The following OSBPL6 variants were observed in gnomAD, a reference collection of about 807,000 sequenced individuals.
The protein encoded by OSBPL6 is oxysterol binding protein like 6, also known as oxysterol-binding protein-related protein 6.
Under a neutral mutation model 125.8 loss-of-function variants are expected in OSBPL6, and 49 were observed. The ratio of observed to expected loss-of-function variants is 0.39; its 90% CI spans 0.31 to 0.49. The LOEUF (loss-of-function observed/expected upper bound fraction) is 0.49, where lower values mean the gene tolerates loss of function less well. Among genes scored for constraint, OSBPL6 ranks in the 20% least tolerant of loss-of-function variants. The pLI, the probability that OSBPL6 is intolerant of heterozygous loss-of-function variation, is 0.88. For missense variants in OSBPL6, 986 were observed against 1,135.4 expected (o/e 0.87, Z 1.89); for synonymous variants, 394 against 391.8 (o/e 1.01, Z -0.07).
At chr2:178,279,844 A>G (rs1163305677) in intron 1 of OSBPL6, among the ~76,000 whole-genome samples, 1 of 152,130 alleles carries the variant, frequency 6.6e-6, no homozygotes, top group African/African-American at 2.4e-5. Context: ...TCACCTTTGG[A>G]CTTCTGCCCT....
At chr2:178,321,927 A>T (rs1005947974) in intron 3 of OSBPL6, among the ~76,000 whole-genome samples, 3 of 152,196 alleles carry the variant, frequency 2.0e-5, no homozygotes, top group African/African-American at 7.2e-5. Context: ...AATGGAGAAG[A>T]GACTAATATT....
chr2:178,324,685 C>A (rs1457500103), intron 4 of OSBPL6, among the ~76,000 whole-genome samples: 1 of 152,200 alleles, frequency 6.6e-6, no homozygotes, highest in African/African-American at 2.4e-5. Flanking sequence ...AATCTATTAT[C>A]CCATTTAATA....
chr2:178,349,472 G>A (rs1691037076), intron 12 of OSBPL6, 83 bp downstream of exon 12: 2 of 1,475,474 alleles, frequency 1.4e-6, no homozygotes, highest in Non-Finnish European at 1.8e-6. Flanking sequence ...CTTTGTCTTT[G>A]TGGTAATGAT....
At chr2:178,247,692 A>T (rs538666943) in intron 1 of OSBPL6, among the ~76,000 whole-genome samples, 1 of 151,814 alleles carries the variant, frequency 6.6e-6, no homozygotes, top group African/African-American at 2.4e-5. Flanking sequence ...GCCTTTCCCT[A>T]CTTGTAGCTG....
rs116809594 is a variant in OSBPL6 at position 178,296,062 on chromosome 2, T to G, written c.-155-9968T>G. ...GATACTGTGTTACTATTCCCTAGTT[T>G]TGTTGGTGTTAGGCCAGTGAAGAAT... On this transcript the variant is annotated intron_variant, in intron 2 of 24. Coordinates refer to ENST00000190611, the MANE Select transcript of OSBPL6 (RefSeq NM_032523.4). 8.5e-3 allele frequency among the ~76,000 whole-genome samples: 1,291 copies of G among 152,284 alleles called. 18 individuals carry two copies. The highest frequency in any genetic ancestry group is 0.029 in the African/African-American group (1,213 of 41,562).
At position 178,332,704 on chromosome 2, in the gene OSBPL6, A is replaced by C. The variant is rs1277426848; in HGVS notation, c.436A>C (p.Lys146Gln). The C allele has an allele frequency of 5.0e-6, 8 of 1,614,092 alleles. No individual in the cohort carries two copies. Among genetic ancestry groups the C allele is most frequent in the Non-Finnish European group, 5.9e-6 (7 of 1,180,034 alleles). ...VGLSVMSIKKKARRIDLDTEE... is the reference protein window; with the variant it reads ...VGLSVMSIKKQARRIDLDTEE... ...ACTCTCAGTCATGTCAATTAAAAAG[A>C]AAGCTCGAAGAATAGACCTTGACAC... The change falls in exon 7 of 25, where the codon AAA (lysine) becomes CAA (glutamine). Residue 146 changes from lysine to glutamine, a missense_variant. Around this residue, in one of 3 missense-constraint regions of OSBPL6, gnomAD observed 843 missense variants for 997.3 expected, o/e 0.85. Coordinates refer to ENST00000190611, the MANE Select transcript of OSBPL6 (RefSeq NM_032523.4).
At chr2:178,389,757 G>A (rs903123745) in intron 21 of OSBPL6, among the ~76,000 whole-genome samples, 1 of 152,112 alleles carries the variant, frequency 6.6e-6, no homozygotes, top group Non-Finnish European at 1.5e-5. Flanking sequence ...TATCACTGCC[G>A]TGTTTGTTTG....
chr2:178,215,722 T>C (rs1241657870), intron 1 of OSBPL6, among the ~76,000 whole-genome samples: 1 of 152,022 alleles, frequency 6.6e-6, no homozygotes, highest in Non-Finnish European at 1.5e-5. Context: ...GAGCTGAAAC[T>C]TTGGCAGCAA....
chr2:178,324,208 C>T lies in OSBPL6; in HGVS notation c.134C>T (p.Ser45Phe), dbSNP rs927830660. Reference protein sequence around the residue: ...SIHILERTASSSTEPSVSRQL... With the variant: ...SIHILERTASFSTEPSVSRQL... ...CACATACTGGAGAGGACTGCTTCCT[C>T]TAGCACCGAGCCCTCTGTAAGTCGG... Residue 45 changes from serine (S) to phenylalanine (F), a missense_variant, in exon 4 of 25, where the codon TCT (serine) becomes TTT (phenylalanine). Transcript: ENST00000190611. 3 of 1,581,386 alleles carry T rather than the reference C, an allele frequency of 1.9e-6. No individual in the cohort carries two copies. The highest frequency in any genetic ancestry group is 2.6e-6 in the Non-Finnish European group (3 of 1,157,764).
intron 4 of OSBPL6, among the ~76,000 whole-genome samples, chr2:178,325,238 A>C (rs1201844582): frequency 6.6e-6 from 1 of 152,210 alleles, no homozygotes; most frequent in Non-Finnish European, 1.5e-5. Flanking sequence ...CCAGTATAAA[A>C]ATAGCACTTT....
chr2:178,352,169 C>T (rs1355769070), intron 12 of OSBPL6, among the ~76,000 whole-genome samples: 2 of 152,184 alleles, frequency 1.3e-5, no homozygotes, highest in African/African-American at 4.8e-5. Flanking sequence ...CCAGTGTGAT[C>T]AATGCAGAAG....
intron 2 of OSBPL6, among the ~76,000 whole-genome samples, chr2:178,299,326 G>A (rs375805179): frequency 2.6e-4 from 39 of 152,006 alleles, no homozygotes; most frequent in East Asian, 2.3e-3. Flanking sequence ...CCTTTTTGTC[G>A]TTGCATAGAC....
chr2:178,227,927 A>G (rs1362078736), intron 1 of OSBPL6, among the ~76,000 whole-genome samples: 3 of 152,160 alleles, frequency 2.0e-5, no homozygotes, highest in Admixed American at 2.0e-4. Flanking sequence ...TTCTCTATGA[A>G]GCATGTGTGA....
intron 11 of OSBPL6, among the ~76,000 whole-genome samples, chr2:178,343,526 G>A (rs1274458529): frequency 1.3e-5 from 2 of 152,036 alleles, no homozygotes; most frequent in East Asian, 1.9e-4. Context: ...ATGAAAGAAA[G>A]CTGTAGGATT....
At chr2:178,235,083 T>C (rs1020861652) in intron 1 of OSBPL6, among the ~76,000 whole-genome samples, 2 of 152,232 alleles carry the variant, frequency 1.3e-5, no homozygotes, top group African/African-American at 2.4e-5. Context: ...ACAAAGAACA[T>C]ACTTAATAAA....
intron 11 of OSBPL6, among the ~76,000 whole-genome samples, chr2:178,340,940 G>T (rs906419778): frequency 1.3e-5 from 2 of 151,762 alleles, no homozygotes; most frequent in African/African-American, 4.8e-5. Context: ...ACAACTTTTT[G>T]TGTTCCTTTG....
At chr2:178,216,319 C>A (rs1474921169) in intron 1 of OSBPL6, among the ~76,000 whole-genome samples, 1 of 152,088 alleles carries the variant, frequency 6.6e-6, no homozygotes. Flanking sequence ...CCTGAATATA[C>A]CCCTTGGTAC....
chr2:178,285,892 A>G (rs913912417), intron 2 of OSBPL6, among the ~76,000 whole-genome samples: 1 of 152,230 alleles, frequency 6.6e-6, no homozygotes, highest in Non-Finnish European at 1.5e-5. Flanking sequence ...GGTGATGACA[A>G]TTCAGACATA....
intron 15 of OSBPL6, among the ~76,000 whole-genome samples, chr2:178,379,652 A>G (rs1694281951): frequency 6.6e-6 from 1 of 152,102 alleles, no homozygotes; most frequent in Non-Finnish European, 1.5e-5. Context: ...GTATGATTAG[A>G]TTTTTTTCAG....
Sources: gnomAD v4.1 joint callset for allele counts (sites outside exome capture counted in the v4.1 genomes callset) on GRCh38, gnomAD v4.1.1 for gene constraint, gnomAD v4.1.1 regional missense constraint, MANE v1.5 for transcripts, NCBI Gene and HGNC (gene_info 2026-07-23, HGNC 2026-07-21) for gene names.